Variants in CNTNAP4 observed in about 807,000 individuals in gnomAD.
CNTNAP4 encodes contactin associated protein family member 4.
A neutral mutation model predicts 148.4 loss-of-function variants in CNTNAP4; 98 were observed. The observed-to-expected ratio is 0.66, with a 90% CI of 0.56 to 0.78. The LOEUF (loss-of-function observed/expected upper bound fraction) is 0.78. Ranked by LOEUF, CNTNAP4 falls within the 30% of genes least tolerant of loss-of-function variation. CNTNAP4 has a pLI of 0.00. For synonymous variants in CNTNAP4, 730 were observed against 565.1 expected (o/e 1.29, Z -4.14); for missense variants, 1,935 against 1,565.6 (o/e 1.24, Z -3.98).
At chr16:76,412,150 A>G (rs2078820463) in intron 3 of CNTNAP4, among the ~76,000 whole-genome samples, 1 of 151,550 alleles carries the variant, frequency 6.6e-6, no homozygotes, top group Non-Finnish European at 1.5e-5. Context: ...ATTTTTATAT[A>G]ATGAAATGTC....
At chr16:76,535,037 C>T (rs2084156624) in intron 17 of CNTNAP4, among the ~76,000 whole-genome samples, 1 of 152,148 alleles carries the variant, frequency 6.6e-6, no homozygotes, top group Admixed American at 6.5e-5. Context: ...AATAATCTGA[C>T]ATTCAATTAC....
chr16:76,480,566 C>T (rs1006218360), intron 12 of CNTNAP4, among the ~76,000 whole-genome samples: 2 of 151,984 alleles, frequency 1.3e-5, no homozygotes, highest in Admixed American at 6.6e-5. Context: ...GGTGAAATCT[C>T]GTCTCTCCTA....
At chr16:76,352,617 T>C (rs1440641014) in intron 2 of CNTNAP4, among the ~76,000 whole-genome samples, 1 of 152,144 alleles carries the variant, frequency 6.6e-6, no homozygotes, top group Non-Finnish European at 1.5e-5. Context: ...TGAGAATTAA[T>C]TTACAAGGCC....
chr16:76,423,574 C>A (rs1390651387), intron 3 of CNTNAP4, among the ~76,000 whole-genome samples: 1 of 152,128 alleles, frequency 6.6e-6, no homozygotes. Context: ...TTCTTCATAG[C>A]AAATTGAGGA....
chr16:76,552,371 C>G (rs2084990096), intron 21 of CNTNAP4, among the ~76,000 whole-genome samples: 1 of 152,082 alleles, frequency 6.6e-6, no homozygotes, highest in Non-Finnish European at 1.5e-5. Context: ...TTTTATCACA[C>G]TGGGTGGATG....
At chr16:76,539,488 T>C (rs2084356658) in intron 19 of CNTNAP4, among the ~76,000 whole-genome samples, 1 of 152,068 alleles carries the variant, frequency 6.6e-6, no homozygotes, top group African/African-American at 2.4e-5. Context: ...GATGTTAAAT[T>C]AAAAGATTTG....
At chr16:76,514,205 G>A (rs995333502) in intron 15 of CNTNAP4, among the ~76,000 whole-genome samples, 2 of 152,254 alleles carry the variant, frequency 1.3e-5, no homozygotes, top group Admixed American at 1.3e-4. Context: ...TCTGACCTTC[G>A]TAGGAATGAC....
chr16:76,462,402 A>G (rs1181302002), intron 9 of CNTNAP4, among the ~76,000 whole-genome samples: 5 of 152,078 alleles, frequency 3.3e-5, no homozygotes, highest in African/African-American at 4.8e-5. Flanking sequence ...AATGATCCTT[A>G]TATGTCTTCT....
intron 3 of CNTNAP4, 30 bp downstream of exon 3, chr16:76,355,541 T>G (rs1281860973): frequency 6.5e-7 from 1 of 1,540,030 alleles, no homozygotes; most frequent in East Asian, 2.4e-5. Flanking sequence ...ACATAGTCTC[T>G]CGGGGAAAAA....
chr16:76,310,974 T>G (rs927143657), intron 1 of CNTNAP4, among the ~76,000 whole-genome samples: 8 of 152,142 alleles, frequency 5.3e-5, no homozygotes, highest in African/African-American at 1.9e-4. Context: ...TTAATTCTTG[T>G]GCTCTTTTTT....
At chr16:76,392,148 C>G (rs1034936157) in intron 3 of CNTNAP4, among the ~76,000 whole-genome samples, 1 of 152,066 alleles carries the variant, frequency 6.6e-6, no homozygotes, top group Non-Finnish European at 1.5e-5. Context: ...CTTGTGCCAC[C>G]ACACCCAGCT....
intron 1 of CNTNAP4, among the ~76,000 whole-genome samples, chr16:76,305,564 A>G (rs1390683328): frequency 6.6e-6 from 1 of 152,102 alleles, no homozygotes; most frequent in Non-Finnish European, 1.5e-5. Context: ...TAATTTAGCT[A>G]TTACTGAGAA....
At chr16:76,341,131 A>G (rs1484431495) in intron 2 of CNTNAP4, among the ~76,000 whole-genome samples, 2 of 152,178 alleles carry the variant, frequency 1.3e-5, no homozygotes, top group South Asian at 2.1e-4. Context: ...CTCCTAGGTC[A>G]TTCCTGTTAG....
At chr16:76,368,724 T>C (rs1187166836) in intron 3 of CNTNAP4, among the ~76,000 whole-genome samples, 1 of 152,150 alleles carries the variant, frequency 6.6e-6, no homozygotes, top group African/African-American at 2.4e-5. Flanking sequence ...CTAATGTAGA[T>C]GATGGGTTGA....
intron 3 of CNTNAP4, among the ~76,000 whole-genome samples, chr16:76,362,323 C>G (rs1468295224): frequency 6.6e-6 from 1 of 152,124 alleles, no homozygotes; most frequent in African/African-American, 2.4e-5. Flanking sequence ...AATGTCTATA[C>G]TACTCAAAGC....
At chr16:76,419,288 C>G (rs1290044160) in intron 3 of CNTNAP4, among the ~76,000 whole-genome samples, 1 of 152,032 alleles carries the variant, frequency 6.6e-6, no homozygotes, top group African/African-American at 2.4e-5. Flanking sequence ...GAAGTACTGC[C>G]CCCCAGTTGG....
At chr16:76,407,419 C>T (rs1300940103) in intron 3 of CNTNAP4, among the ~76,000 whole-genome samples, 1 of 151,754 alleles carries the variant, frequency 6.6e-6, no homozygotes, top group Admixed American at 6.6e-5. Context: ...TTCTGGAAAG[C>T]AGTCACCATC....
intron 3 of CNTNAP4, among the ~76,000 whole-genome samples, chr16:76,388,996 A>T (rs2016736408): frequency 6.6e-6 from 1 of 152,236 alleles, no homozygotes; most frequent in African/African-American, 2.4e-5. Flanking sequence ...ACTTACATGT[A>T]CATTTATAAT....
intron 3 of CNTNAP4, among the ~76,000 whole-genome samples, chr16:76,371,774 T>C (rs568514960): frequency 3.2e-4 from 49 of 152,376 alleles, no homozygotes; most frequent in African/African-American, 1.1e-3. Flanking sequence ...ATTGTTGCTC[T>C]TAAGACATTC....
Sources: gnomAD v4.1 joint callset for allele counts (sites outside exome capture counted in the v4.1 genomes callset) on GRCh38, gnomAD v4.1.1 for gene constraint, MANE v1.5 for transcripts, NCBI Gene and HGNC (gene_info 2026-07-23, HGNC 2026-07-21) for gene names.